The following COL11A2 variants were observed in gnomAD, a reference collection of about 807,000 sequenced individuals.
COL11A2 encodes the protein collagen alpha-2(XI) chain.
COL11A2 carries 116 observed loss-of-function variants against 273.4 expected under a neutral mutation model. The ratio of observed to expected loss-of-function variants is 0.42; its 90% confidence interval spans 0.36 to 0.49. COL11A2 has a LOEUF of 0.49. Among genes scored for constraint, COL11A2 ranks in the 20% least tolerant of loss-of-function variants. COL11A2 has a pLI of 0.00. For synonymous variants in COL11A2, 782 were observed against 864.2 expected, an observed-to-expected ratio of 0.90 and a Z score of 1.67; for missense variants, 1,866 against 2,309.0, an observed-to-expected ratio of 0.81 and a Z score of 3.93.
At chr6:33,174,099 C>T (rs1300237538) in intron 32 of COL11A2, 44 bp from the exon 33 acceptor site, 1 of 1,612,730 alleles carries the variant, frequency 6.2e-7, no homozygotes, top group South Asian at 1.1e-5. Flanking sequence ...GGGTGAGACT[C>T]CCCACAGACC....
At position 33,189,493 on chromosome 6, in the gene COL11A2, G is replaced by A. The variant is rs557436258; in HGVS notation, c.83-24C>T. The A allele has an allele frequency of 1.2e-5, 19 of 1,611,574 alleles. No homozygotes were observed. The South Asian group carries it at 1.8e-4, about 15-fold the overall frequency. Reference sequence around the variant, plus strand: ...ACCTGGGAGAGTCCATGATTATCAGGAGAAGGGACATGCCCTCAGGAGGGC... The same window carrying A: ...ACCTGGGAGAGTCCATGATTATCAGAAGAAGGGACATGCCCTCAGGAGGGC... On this transcript the variant is annotated intron_variant, in intron 1 of 65. Transcript: ENST00000341947. This position sits in a 1 kb window ranked among gnomAD's most constrained non-coding sequence, Gnocchi z 5.6.
Position 33,190,003 on chromosome 6 carries a change from C to T in COL11A2, c.83-534G>A, listed in dbSNP as rs1772925772. Among the ~76,000 whole-genome samples, 1 of 152,136 alleles carries T rather than the reference C, an allele frequency of 6.6e-6. No homozygotes were observed. The highest frequency in any genetic ancestry group is 1.5e-5 in the Non-Finnish European group (1 of 68,032). ...CACAAACAACATCTGGGCAATCGATCATCCTGGACACAGGAGGTGCAGGGG... is the reference window on the plus strand; with the variant it reads ...CACAAACAACATCTGGGCAATCGATTATCCTGGACACAGGAGGTGCAGGGG... On this transcript the variant is annotated intron_variant, in intron 1 of 65. Coordinates refer to ENST00000341947, the MANE Select transcript of COL11A2 (RefSeq NM_080680.3). This position sits in a 1 kb window ranked among gnomAD's most constrained non-coding sequence, Gnocchi z 4.5.
chr6:33,173,838 C>G lies in COL11A2; in HGVS notation c.2583+35G>C. The G allele has an allele frequency of 6.2e-7, 1 of 1,613,324 alleles. No homozygotes were observed. The highest frequency in any genetic ancestry group is 8.5e-7 in the Non-Finnish European group (1 of 1,179,350). On this transcript the variant is annotated intron_variant, in intron 34 of 65. Transcript: ENST00000341947. This position sits in a 1 kb window ranked among gnomAD's most constrained non-coding sequence, Gnocchi z 6.3. ...TGAGGGAGAGCTGGGGCTGAGTGGG[C>G]AGGGGGCAGTTGGAGCCTTGTAGAG...
rs1772686226 is a variant in COL11A2, at chr6:33,188,444, A to T, written c.524T>A (p.Leu175His). The T allele has an allele frequency of 6.2e-7, 1 of 1,612,812 alleles. No homozygotes were observed. The highest frequency in any genetic ancestry group is 1.3e-5 in the African/African-American group (1 of 74,856). The change falls in exon 4 of 66, where the codon CTC becomes CAC. Residue 175 changes from leucine (L) to histidine (H), a missense_variant. Transcript: ENST00000341947. ...CAATACTGGACGAGCACTTCGGGGG[A>T]GAGGCCGGGTGACTCGCTTCTTGCA... ...VDCKKRVTRP[L>H]PRSARPVLDT...
chr6:33,167,804 C>T lies in COL11A2; in HGVS notation c.4009G>A (p.Ala1337Thr). The T allele has an allele frequency of 6.2e-7, 1 of 1,612,842 alleles. No homozygotes were observed. Among genetic ancestry groups the T allele is most frequent in the East Asian group, 2.2e-5 (1 of 44,874 alleles). The change falls in exon 55 of 66, where the codon GCC (alanine) becomes ACC (threonine). Residue 1337 changes from alanine (A) to threonine (T), a missense_variant. Coordinates refer to ENST00000341947, the MANE Select transcript of COL11A2 (RefSeq NM_080680.3). The surrounding 1 kb of genome is among the most constrained non-coding windows in gnomAD (Gnocchi z 6.1). ...GSEGRQGGKG[A>T]KGDPGAIGAP... ...TAGGGCAGCCTGTCCCTCACCTTGGCTCCCTTCCCTCCTTGTCGCCCCTCG... is the reference window on the plus strand; with the variant it reads ...TAGGGCAGCCTGTCCCTCACCTTGGTTCCCTTCCCTCCTTGTCGCCCCTCG...
chr6:33,181,087 A>G, intron 9 of COL11A2, 24 bp downstream of exon 9: 1 of 1,614,124 alleles, frequency 6.2e-7, no homozygotes, highest in South Asian at 1.1e-5. Flanking sequence ...CCACTGCCTC[A>G]GCCCTGTGAC....
At position 33,170,796 on chromosome 6, in the gene COL11A2, A is replaced by G; in HGVS notation, c.3474+14T>C. On this transcript the variant is annotated intron_variant, in intron 46 of 65. Transcript: ENST00000341947. This position sits in a 1 kb window ranked among gnomAD's most constrained non-coding sequence, Gnocchi z 4.3. ...GACCCCACCTCTCAGCCCCTGTCCT[A>G]TCCCCCAACACACCTGTAGGCCAAT... 6.2e-7 allele frequency: 1 copy of G among 1,610,944 alleles called. No individual in the cohort carries two copies. The highest frequency in any genetic ancestry group is 1.1e-5 in the South Asian group (1 of 91,016).
intron 3 of COL11A2, 22 bp downstream of exon 3, chr6:33,188,956 C>G (rs1032733325): frequency 6.2e-7 from 1 of 1,613,636 alleles, no homozygotes; most frequent in Non-Finnish European, 8.5e-7. Flanking sequence ...GCCAGGCAGA[C>G]CAGAGGAGCA....
intron 5 of COL11A2, chr6:33,186,387 G>A: frequency 7.0e-7 from 1 of 1,421,268 alleles, no homozygotes; most frequent in Non-Finnish European, 9.2e-7. Flanking sequence ...CAGGGACACA[G>A]TTCCAGGAAG....
In COL11A2 at chr6:33,170,990, TA is replaced by T; in HGVS notation, c.3367-74del. 6.3e-7 allele frequency: 1 copy of T among 1,582,990 alleles called. No individual in the cohort carries two copies. On this transcript the variant is annotated intron_variant, in intron 45 of 65. Coordinates refer to ENST00000341947, the MANE Select transcript of COL11A2 (RefSeq NM_080680.3). The surrounding 1 kb of genome is among the most constrained non-coding windows in gnomAD (Gnocchi z 4.3). Reference sequence around the variant, plus strand: ...GGGTCAGGTGTTCTCTATCCACAAATACCACACACAGCTGGGTGCCAGGCCC... The same window carrying T: ...GGGTCAGGTGTTCTCTATCCACAAATCCACACACAGCTGGGTGCCAGGCCC...
chr6:33,169,238 A>T lies in COL11A2; in HGVS notation c.3798+145T>A, dbSNP rs1266030411. Reference sequence around the variant, plus strand: ...TCTCTCCGGATCCTAGACCCCAGGCATCCCTCTGGATGCCCCATTCCCAGA... The same window carrying T: ...TCTCTCCGGATCCTAGACCCCAGGCTTCCCTCTGGATGCCCCATTCCCAGA... On this transcript the variant is annotated intron_variant, in intron 51 of 65. Coordinates refer to ENST00000341947, the MANE Select transcript of COL11A2 (RefSeq NM_080680.3). The surrounding 1 kb of genome is among the most constrained non-coding windows in gnomAD (Gnocchi z 5.5). The T allele has an allele frequency of 3.8e-6, 3 of 784,812 alleles. No individual in the cohort carries two copies. The highest frequency in any genetic ancestry group is 6.3e-6 in the Non-Finnish European group (3 of 478,012). The allele number at this position is 784,812 out of a possible 1,614,324, so 48.6% of individuals were successfully genotyped here.
In COL11A2 at chr6:33,166,489, T is replaced by G. The variant is rs1163667585; in HGVS notation, c.4392+24A>C. The G allele has an allele frequency of 6.2e-7, 1 of 1,611,332 alleles. No individual in the cohort carries two copies. The highest frequency in any genetic ancestry group is 1.7e-5 in the Admixed American group (1 of 59,838). On this transcript the variant is annotated intron_variant, in intron 60 of 65. Transcript: ENST00000341947. This position sits in a 1 kb window ranked among gnomAD's most constrained non-coding sequence, Gnocchi z 4.8. ...CAGCAGAGGGGTTTAGGGGATTTTG[T>G]GGAGGAACAGAGGCAGTACTCACGG...
rs1248752533 is a variant in COL11A2 at position 33,176,002 on chromosome 6, G to A, written c.2268+14C>T. 54 of 1,612,824 alleles carry A rather than the reference G, an allele frequency of 3.3e-5. No homozygotes were observed. The highest frequency in any genetic ancestry group is 4.5e-5 in the Non-Finnish European group (53 of 1,179,968). ...AGAACACGGAATTGGGGCCAGTGTGGGGTCTCTACTCACCCTGTCACCTTT... is the reference window on the plus strand; with the variant it reads ...AGAACACGGAATTGGGGCCAGTGTGAGGTCTCTACTCACCCTGTCACCTTT... On this transcript the variant is annotated intron_variant, in intron 29 of 65. Coordinates refer to ENST00000341947, the MANE Select transcript of COL11A2 (RefSeq NM_080680.3). The surrounding 1 kb of genome is among the most constrained non-coding windows in gnomAD (Gnocchi z 4.9).
chr6:33,192,507 C>A (rs1773273117), upstream of COL11A2: 4 of 541,444 alleles, frequency 7.4e-6, no homozygotes, highest in Admixed American at 3.3e-5. Context: ...CCACCTCGCC[C>A]CCGCCCCCGG....
At position 33,181,100 on chromosome 6, in the gene COL11A2, G is replaced by A; in HGVS notation, c.1179+11C>T. 1.2e-6 allele frequency: 2 copies of A among 1,614,132 alleles called. No individual in the cohort carries two copies. Among genetic ancestry groups the A allele is most frequent in the Non-Finnish European group, 1.7e-6 (2 of 1,180,006 alleles). ...TTCCACTGCCTCAGCCCTGTGACCA[G>A]CATAACTTACAGGTTCCAACACTGC... On this transcript the variant is annotated intron_variant, in intron 9 of 65. Transcript: ENST00000341947.
Position 33,166,134 on chromosome 6 carries a change from G to A in COL11A2, c.4428+37C>T. The A allele has an allele frequency of 1.2e-6, 2 of 1,608,062 alleles. No individual in the cohort carries two copies. The highest frequency in any genetic ancestry group is 8.5e-7 in the Non-Finnish European group (1 of 1,177,552). On this transcript the variant is annotated intron_variant, in intron 61 of 65. Transcript: ENST00000341947. The surrounding 1 kb of genome is among the most constrained non-coding windows in gnomAD (Gnocchi z 4.8). ...GAGAGACATCATCAAGTCCAGAGGGGGTGGAGCAAAGGTCAGAGCTGAAGG... is the reference window on the plus strand; with the variant it reads ...GAGAGACATCATCAAGTCCAGAGGGAGTGGAGCAAAGGTCAGAGCTGAAGG...
At chr6:33,186,381 G>T in intron 5 of COL11A2, 2 of 1,408,444 alleles carry the variant, frequency 1.4e-6, no homozygotes, top group Non-Finnish European at 1.8e-6. Flanking sequence ...AAAACCCAGG[G>T]ACACAGTTCC....
rs202015983 is a variant in COL11A2 at position 33,174,236 on chromosome 6, G to C, written c.2431-18C>G. Reference sequence around the variant, plus strand: ...AGGGACCCCTGGTGAGAACGGAGAAGGGGGGAAATTGAGAAGTTATGAAAG... The same window carrying C: ...AGGGACCCCTGGTGAGAACGGAGAACGGGGGAAATTGAGAAGTTATGAAAG... On this transcript the variant is annotated intron_variant, in intron 31 of 65. Coordinates refer to ENST00000341947, the MANE Select transcript of COL11A2 (RefSeq NM_080680.3). The C allele has an allele frequency of 1.9e-6, 2 of 1,069,212 alleles. No homozygotes were observed. The highest frequency in any genetic ancestry group is 2.6e-5 in the African/African-American group (1 of 39,090). 66.2% of individuals were successfully genotyped at this position (1,069,212 alleles called of 1,614,324 possible).
Position 33,176,662 on chromosome 6 carries a change from T to G in COL11A2, c.2115+59A>C. ...TGAGACAAGGGAATCCCAAGGACTT[T>G]GAGGCTCTAGAGTCTGAGTGGAGAC... On this transcript the variant is annotated intron_variant, in intron 26 of 65. Coordinates refer to ENST00000341947, the MANE Select transcript of COL11A2 (RefSeq NM_080680.3). This position sits in a 1 kb window ranked among gnomAD's most constrained non-coding sequence, Gnocchi z 4.9. The G allele has an allele frequency of 1.9e-6, 3 of 1,549,418 alleles. No individual in the cohort carries two copies. The South Asian group carries it at 3.4e-5, about 18-fold the overall frequency.
Sources: gnomAD v4.1 joint callset for allele counts (sites outside exome capture counted in the v4.1 genomes callset) on GRCh38, gnomAD v4.1.1 for gene constraint, Gnocchi (gnomAD v3.1) non-coding constraint, MANE v1.5 for transcripts, NCBI Gene and HGNC (gene_info 2026-07-23, HGNC 2026-07-21) for gene names.